The following ADGRB2 variants were observed in gnomAD, a reference collection of about 807,000 sequenced individuals.
ADGRB2 encodes the protein brain-specific angiogenesis inhibitor 2.
A neutral mutation model predicts 178.7 loss-of-function variants in ADGRB2; 47 were observed. The observed-to-expected ratio is 0.26, with a 90% CI of 0.21 to 0.34. The LOEUF (loss-of-function observed/expected upper bound fraction) is 0.34, where lower values mean the gene tolerates loss of function less well. Among genes scored for constraint, ADGRB2 ranks in the 10% least tolerant of loss-of-function variants. The probability of loss-of-function intolerance (pLI) is 1.00; values close to 1 mark genes in which losing one functional copy is unlikely to be tolerated. For missense variants in ADGRB2, 1,584 were observed against 2,180.8 expected, an observed-to-expected ratio of 0.73 and a Z score of 5.45; for synonymous variants, 870 against 912.4, an observed-to-expected ratio of 0.95 and a Z score of 0.84.
chr1:31,744,241 C>A lies in ADGRB2; in HGVS notation c.1039G>T (p.Gly347Trp), dbSNP rs1467830225. 1.9e-6 allele frequency: 3 copies of A among 1,548,902 alleles called. No homozygotes were observed. The highest frequency in any genetic ancestry group is 2.0e-5 in the Admixed American group (1 of 50,334). Residue 347 changes from glycine (G) to tryptophan (W), a missense_variant, in exon 6 of 33, where the codon GGG (glycine) becomes TGG (tryptophan). Around this residue, in one of 3 missense-constraint regions of ADGRB2, gnomAD observed 657 missense variants for 847.6 expected, o/e 0.78. Transcript: ENST00000373658. This position sits in a 1 kb window ranked among gnomAD's most constrained non-coding sequence, Gnocchi z 6.7. ...CAGGGCCTGGTCTCCCGCAGGGGCCCGCTGCACAGGGTCCCATAGGGGGAG... is the reference window on the plus strand; with the variant it reads ...CAGGGCCTGGTCTCCCGCAGGGGCCAGCTGCACAGGGTCCCATAGGGGGAG... Reference protein sequence around the residue: ...VSSPYGTLCSGPLRETRPCNN... With the variant: ...VSSPYGTLCSWPLRETRPCNN...
At position 31,758,886 on chromosome 1, in the gene ADGRB2, T is replaced by G. The variant is rs562294551; in HGVS notation, c.-190-1375A>C. On this transcript the variant is annotated intron_variant, in intron 1 of 32. Coordinates refer to ENST00000373658, the MANE Select transcript of ADGRB2 (RefSeq NM_001364857.2). The surrounding 1 kb of genome is among the most constrained non-coding windows in gnomAD (Gnocchi z 4.2). ...CCCACACTGCTCAGCTCGCCCCACC[T>G]GCTGCGGCACTAGCCAAGCCAGCGG... 6.6e-6 allele frequency among the ~76,000 whole-genome samples: 1 copy of G among 152,330 alleles called. No individual in the cohort carries two copies. Among genetic ancestry groups the G allele is most frequent in the South Asian group, 2.1e-4 (1 of 4,830 alleles).
intron 1 of ADGRB2, among the ~76,000 whole-genome samples, chr1:31,760,345 C>T (rs1647002256): frequency 6.6e-6 from 1 of 152,188 alleles, no homozygotes; most frequent in Non-Finnish European, 1.5e-5. Flanking sequence ...GCCTTCACCA[C>T]ATGCCCCTGA....
At chr1:31,762,701 C>A (rs941693105) in intron 1 of ADGRB2, among the ~76,000 whole-genome samples, 5 of 152,108 alleles carry the variant, frequency 3.3e-5, no homozygotes, top group African/African-American at 1.2e-4. Context: ...CCTGGCCCAC[C>A]AATCTCCTCT....
At chr1:31,729,281 T>C (rs1021372155) in intron 29 of ADGRB2, among the ~76,000 whole-genome samples, 1 of 152,126 alleles carries the variant, frequency 6.6e-6, no homozygotes, top group Non-Finnish European at 1.5e-5. Flanking sequence ...ATAGGGAAAC[T>C]GAGACCCAGG....
rs185263183 is a variant in ADGRB2 at position 31,733,675 on chromosome 1, G to A, written c.3453-532C>T. On this transcript the variant is annotated intron_variant, in intron 25 of 32. Transcript: ENST00000373658. This position sits in a 1 kb window ranked among gnomAD's most constrained non-coding sequence, Gnocchi z 4.3. The stretch of plus-strand genomic sequence containing the variant: ...CGAATCCTCAGGGAGAAGACAGGGG[G>A]CCAGGACCAGTGAAGCAGAACTCCC... 3.9e-5 allele frequency among the ~76,000 whole-genome samples: 6 copies of A among 152,238 alleles called. No homozygotes were observed. In the East Asian group the frequency reaches 1.2e-3, roughly 29 times the overall value.
At chr1:31,747,171 C>A (rs1456134579) in intron 4 of ADGRB2, among the ~76,000 whole-genome samples, 1 of 152,136 alleles carries the variant, frequency 6.6e-6, no homozygotes, top group Non-Finnish European at 1.5e-5. Context: ...CCTTGAAGCA[C>A]TCTCCTGGTT....
rs1645899834 is a variant in ADGRB2, at chr1:31,740,773, G to GA, written c.1795-233dup. The stretch of plus-strand genomic sequence containing the variant: ...AAAGACTGAAATAGAAACACCTAGA[G>GA]AAAAAAGGTGTTCAGATGTACATAT... On this transcript the variant is annotated intron_variant, in intron 11 of 32. Transcript: ENST00000373658. The surrounding 1 kb of genome is among the most constrained non-coding windows in gnomAD (Gnocchi z 5.9). 6.6e-6 allele frequency among the ~76,000 whole-genome samples: 1 copy of GA among 151,932 alleles called. No individual in the cohort carries two copies. Among genetic ancestry groups the GA allele is most frequent in the African/African-American group, 2.4e-5 (1 of 41,348 alleles).
Position 31,744,788 on chromosome 1 carries a change from G to A in ADGRB2, c.839-57C>T. On this transcript the variant is annotated intron_variant, in intron 4 of 32. Transcript: ENST00000373658. This position sits in a 1 kb window ranked among gnomAD's most constrained non-coding sequence, Gnocchi z 6.7. ...CAAAGGCCAGCTAGGTTCTGTTACA[G>A]TGGCACAGTGAAGGCAGCCTTCCTT... 1 of 1,571,236 alleles carries A rather than the reference G, an allele frequency of 6.4e-7. No individual in the cohort carries two copies. Among genetic ancestry groups the A allele is most frequent in the South Asian group, 1.1e-5 (1 of 89,744 alleles).
intron 19 of ADGRB2, 23 bp downstream of exon 19, chr1:31,737,629 C>G (rs766048086): frequency 6.2e-7 from 1 of 1,613,042 alleles, no homozygotes; most frequent in Non-Finnish European, 8.5e-7. Context: ...CCCCCAGCCA[C>G]AAGAGCCAGG....
chr1:31,763,103 T>G lies in ADGRB2; in HGVS notation c.-191+781A>C, dbSNP rs941344240. ...AGCTCTATGACCAGGGGTGGGAGGA[T>G]AGGGATGGGGGATGGACAGATAGAC... is the stretch of plus-strand genomic sequence containing the variant. On this transcript the variant is annotated intron_variant, in intron 1 of 32. Coordinates refer to ENST00000373658, the MANE Select transcript of ADGRB2 (RefSeq NM_001364857.2). Among the ~76,000 whole-genome samples the G allele has an allele frequency of 6.0e-5, 9 of 151,140 alleles. No homozygotes were observed. In the Middle Eastern group the frequency reaches 0.014, roughly 233 times the overall value.
At position 31,740,457 on chromosome 1, in the gene ADGRB2, C is replaced by A. The variant is rs971303878; in HGVS notation, c.1879G>T (p.Ala627Ser). 1 of 1,613,614 alleles carries A rather than the reference C, an allele frequency of 6.2e-7. No homozygotes were observed. The highest frequency in any genetic ancestry group is 1.3e-5 in the African/African-American group (1 of 74,948). The change falls in exon 12 of 33, where the codon GCC becomes TCC. Residue 627 changes from alanine to serine, a missense_variant. By Grantham distance (99) the Ala-to-Ser change is moderately conservative (BLOSUM62 1). Coordinates refer to ENST00000373658, the MANE Select transcript of ADGRB2 (RefSeq NM_001364857.2). This position sits in a 1 kb window ranked among gnomAD's most constrained non-coding sequence, Gnocchi z 5.9. ...TCCCCACTATAGTAGGTGCGCCGGGCCAGTAGCTCCTGCAGGCTGCGCACC... is the reference window on the plus strand; with the variant it reads ...TCCCCACTATAGTAGGTGCGCCGGGACAGTAGCTCCTGCAGGCTGCGCACC... The part of the protein sequence containing the change: ...QVVRSLQELL[A>S]RRTYYSGDLL...
At chr1:31,743,956 G>A (rs913453661) in intron 6 of ADGRB2, among the ~76,000 whole-genome samples, 1 of 152,222 alleles carries the variant, frequency 6.6e-6, no homozygotes, top group African/African-American at 2.4e-5. Context: ...GCAGGCACTG[G>A]GGGAATGATG....
At chr1:31,743,061 G>T (rs1229378165) in intron 6 of ADGRB2, 59 bp from the exon 7 acceptor site, 3 of 1,346,872 alleles carry the variant, frequency 2.2e-6, no homozygotes, top group Non-Finnish European at 2.9e-6. Context: ...CACCACCGGC[G>T]CCTGCCCATC....
Position 31,735,220 on chromosome 1 carries a change from T to C in ADGRB2, c.3415A>G (p.Ser1139Gly). 1 of 1,438,634 alleles carries C rather than the reference T, an allele frequency of 7.0e-7. No homozygotes were observed. The highest frequency in any genetic ancestry group is 9.2e-7 in the Non-Finnish European group (1 of 1,089,346). The allele number at this position is 1,438,634 out of a possible 1,614,324, so 89.1% of individuals were successfully genotyped here. The part of the protein sequence containing the change: ...LPCSACGAVP[S>G]PLLSSASARN... ...GCCGAGGCTGAGCTGAGCAGGGGGCTGGGGACCGCTCCACACGCTGAGCAG... is the reference window on the plus strand; with the variant it reads ...GCCGAGGCTGAGCTGAGCAGGGGGCCGGGGACCGCTCCACACGCTGAGCAG... The change falls in exon 25 of 33, where the codon AGC becomes GGC. Residue 1139 changes from serine to glycine, a missense_variant. Ser to Gly is a moderately conservative substitution (Grantham distance 56, BLOSUM62 0). Coordinates refer to ENST00000373658, the MANE Select transcript of ADGRB2 (RefSeq NM_001364857.2). This position sits in a 1 kb window ranked among gnomAD's most constrained non-coding sequence, Gnocchi z 6.0.
intron 20 of ADGRB2, among the ~76,000 whole-genome samples, chr1:31,736,987 A>C (rs1386987885): frequency 6.6e-6 from 1 of 152,228 alleles, no homozygotes; most frequent in Non-Finnish European, 1.5e-5. Context: ...AGGGGGACAG[A>C]CATGAGCACC....
chr1:31,732,493 G>T (rs1426860093), intron 27 of ADGRB2, 24 bp downstream of exon 27: 3 of 1,612,722 alleles, frequency 1.9e-6, no homozygotes, highest in Non-Finnish European at 2.5e-6. Flanking sequence ...ATCTGCCCAG[G>T]CCCTGCCCAG....
chr1:31,759,540 C>A lies in ADGRB2; in HGVS notation c.-190-2029G>T. 1.6e-6 allele frequency: 1 copy of A among 611,420 alleles called. No homozygotes were observed. Among genetic ancestry groups the A allele is most frequent in the East Asian group, 2.7e-5 (1 of 36,510 alleles). The allele number at this position is 611,420 out of a possible 1,614,324, so 37.9% of individuals were successfully genotyped here. On this transcript the variant is annotated intron_variant, in intron 1 of 32. Transcript: ENST00000373658. The surrounding 1 kb of genome is among the most constrained non-coding windows in gnomAD (Gnocchi z 4.3). ...CTCCAGAATGGAGTCACTTTTAACCCAATCCAACCCCCCTCCTCCCCTCAG... is the reference window on the plus strand; with the variant it reads ...CTCCAGAATGGAGTCACTTTTAACCAAATCCAACCCCCCTCCTCCCCTCAG...
rs923953507 is a variant in ADGRB2 at position 31,740,642 on chromosome 1, A to T, written c.1795-101T>A. On this transcript the variant is annotated intron_variant, in intron 11 of 32. Coordinates refer to ENST00000373658, the MANE Select transcript of ADGRB2 (RefSeq NM_001364857.2). The surrounding 1 kb of genome is among the most constrained non-coding windows in gnomAD (Gnocchi z 5.9). Reference sequence around the variant, plus strand: ...CCACCCACTGCTTGCATCCACGGGGAGAGAAAGGGGGAAAAGGTCAGAGAG... The same window carrying T: ...CCACCCACTGCTTGCATCCACGGGGTGAGAAAGGGGGAAAAGGTCAGAGAG... 18 of 1,303,372 alleles carry T rather than the reference A, an allele frequency of 1.4e-5. No individual in the cohort carries two copies. Among genetic ancestry groups the T allele is most frequent in the Admixed American group, 5.8e-5 (2 of 34,628 alleles). The allele number at this position is 1,303,372 out of a possible 1,614,324, so 80.7% of individuals were successfully genotyped here. A position where few individuals can be genotyped will look rare whatever the true frequency, so the allele number is the denominator to read the frequency against.
Position 31,740,896 on chromosome 1 carries a change from CA to C in ADGRB2, c.1795-356del, listed in dbSNP as rs1340970349. Among the ~76,000 whole-genome samples the C allele has an allele frequency of 2.7e-4, 1 of 3,646 alleles. No homozygotes were observed. The highest frequency in any genetic ancestry group is 0.05 in the East Asian group (1 of 20). 2.4% of individuals were successfully genotyped at this position (3,646 alleles called of 152,430 possible). On this transcript the variant is annotated intron_variant, in intron 11 of 32. Coordinates refer to ENST00000373658, the MANE Select transcript of ADGRB2 (RefSeq NM_001364857.2). This position sits in a 1 kb window ranked among gnomAD's most constrained non-coding sequence, Gnocchi z 5.9. ...ATGAGCATGTGTGTGGGCGCGCGCGCACACACACACACACACACACACACAC... is the reference window on the plus strand; with the variant it reads ...ATGAGCATGTGTGTGGGCGCGCGCGCCACACACACACACACACACACACAC...
Sources: gnomAD v4.1 joint callset for allele counts (sites outside exome capture counted in the v4.1 genomes callset) on GRCh38, gnomAD v4.1.1 for gene constraint, gnomAD v4.1.1 regional missense constraint, Gnocchi (gnomAD v3.1) non-coding constraint, MANE v1.5 for transcripts, NCBI Gene and HGNC (gene_info 2026-07-23, HGNC 2026-07-21) for gene names.